Variants in MMP7 observed in about 807,000 individuals in gnomAD.
MMP7 encodes matrilysin.
In MMP7, 26 loss-of-function variants were observed where a neutral mutation model predicts 31.5. The observed-to-expected ratio is 0.83, with a 90% CI of 0.61 to 1.15. MMP7 has a LOEUF of 1.15. MMP7 is among the 50% of genes most tolerant of loss of function. The probability of loss-of-function intolerance (pLI) is 0.00; values close to 1 mark genes in which losing one functional copy is unlikely to be tolerated. For synonymous variants in MMP7, 142 were observed against 124.2 expected (o/e 1.14, Z -0.95); for missense variants, 367 against 326.5 (o/e 1.12, Z -0.96).
chr11:102,525,207 G>T, intron 3 of MMP7, 143 bp from the exon 4 acceptor site: 1 of 956,796 alleles, frequency 1.0e-6, no homozygotes, highest in Non-Finnish European at 1.5e-6. Flanking sequence ...CGAGGCCGAG[G>T]TGGGCGGATC....
chr11:102,530,142 A>T (rs1858719600), intron 1 of MMP7, among the ~76,000 whole-genome samples: 1 of 152,270 alleles, frequency 6.6e-6, no homozygotes, highest in African/African-American at 2.4e-5. Context: ...GTAAATACAC[A>T]AACAGTATAT....
chr11:102,522,727 C>G (rs1858626628), intron 5 of MMP7, among the ~76,000 whole-genome samples: 1 of 152,182 alleles, frequency 6.6e-6, no homozygotes, highest in Non-Finnish European at 1.5e-5. Context: ...ACCAAAAAAG[C>G]ATAGACTGGG....
Position 102,526,240 on chromosome 11 carries a change from A to ATATTT in MMP7, c.485-1177_485-1176insAAATA, listed in dbSNP as rs1437244210. On this transcript the variant is annotated intron_variant, in intron 3 of 5. Transcript: ENST00000260227. ...AAAAAAAAAAAATATATATATATAT[A>ATATTT]TTTTTTTTTTTTCTTTTGAGACATA... Among the ~76,000 whole-genome samples the ATATTT allele has an allele frequency of 2.6e-3, 340 of 131,452 alleles. 3 individuals carry two copies. The highest frequency in any genetic ancestry group is 9.4e-3 in the African/African-American group (326 of 34,666). 86.2% of individuals were successfully genotyped at this position (131,452 alleles called of 152,430 possible).
In MMP7 at chr11:102,527,543, CATG is replaced by C. The variant is rs755282676; in HGVS notation, c.462_464del (p.Ile154del). 335 of 1,614,146 alleles carry C rather than the reference CATG, an allele frequency of 2.1e-4. No homozygotes were observed. In the Middle Eastern group the frequency reaches 5.6e-3, roughly 27 times the overall value. ...TCTTACCTCCTCGCGCAAAGCCAATCATGATGTCAGCAGTTCCCCATACAACTT... is the reference window on the plus strand; with the variant it reads ...TCTTACCTCCTCGCGCAAAGCCAATCATGTCAGCAGTTCCCCATACAACTT... On this transcript the variant is annotated inframe_deletion, in exon 3 of 6. Coordinates refer to ENST00000260227, the MANE Select transcript of MMP7 (RefSeq NM_002423.5).
chr11:102,523,525 G>T, intron 4 of MMP7, 124 bp from the exon 5 acceptor site: 1 of 767,410 alleles, frequency 1.3e-6, no homozygotes, highest in Non-Finnish European at 1.8e-6. Context: ...GCCCACGGTA[G>T]CTTACTTATT....
chr11:102,522,868 A>G (rs1858628270), intron 5 of MMP7, among the ~76,000 whole-genome samples: 1 of 152,234 alleles, frequency 6.6e-6, no homozygotes, highest in South Asian at 2.1e-4. Flanking sequence ...TTGAATCCTT[A>G]GGAGTGGGCA....
rs762318650 is a variant in MMP7, at chr11:102,526,240, ATTTT to A, written c.485-1180_485-1177del. 2.9e-3 allele frequency among the ~76,000 whole-genome samples: 376 copies of A among 131,466 alleles called. 1 individual carries two copies. The highest frequency in any genetic ancestry group is 4.4e-3 in the Non-Finnish European group (273 of 62,236). 86.2% of individuals were successfully genotyped at this position (131,466 alleles called of 152,430 possible). Reference sequence around the variant, plus strand: ...AAAAAAAAAAAATATATATATATATATTTTTTTTTTTTCTTTTGAGACATAGTCT... The same window carrying A: ...AAAAAAAAAAAATATATATATATATATTTTTTTTCTTTTGAGACATAGTCT... On this transcript the variant is annotated intron_variant, in intron 3 of 5. Coordinates refer to ENST00000260227, the MANE Select transcript of MMP7 (RefSeq NM_002423.5).
At chr11:102,525,399 G>T (rs1234548843) in intron 3 of MMP7, among the ~76,000 whole-genome samples, 1 of 150,952 alleles carries the variant, frequency 6.6e-6, no homozygotes, top group Non-Finnish European at 1.5e-5. Flanking sequence ...CTGAGATCGC[G>T]CCACTGCACT....
chr11:102,525,146 T>C, intron 3 of MMP7, 82 bp from the exon 4 acceptor site: 1 of 1,506,274 alleles, frequency 6.6e-7, no homozygotes, highest in Non-Finnish European at 8.9e-7. Flanking sequence ...ATACGATTAT[T>C]GAGGCTAGAA....
chr11:102,523,346 T>C lies in MMP7; in HGVS notation c.669A>G (p.Gly223=), dbSNP rs753131286. The C allele has an allele frequency of 1.4e-5, 23 of 1,612,176 alleles. No individual in the cohort carries two copies. The highest frequency in any genetic ancestry group is 1.9e-5 in the Non-Finnish European group (22 of 1,178,998). Residue 223 remains glycine (G), a synonymous_variant, in exon 5 of 6, where the codon GGA becomes GGG. Coordinates refer to ENST00000260227, the MANE Select transcript of MMP7 (RefSeq NM_002423.5). ...TCACTGCATTAGGATCAGAGGAATG[T>C]CCCATACCCAAAGAATGGCCAAGTT... ...THELGHSLGM[G]HSSDPNAVMY...
chr11:102,523,223 G>A lies in MMP7; in HGVS notation c.775+17C>T. The A allele has an allele frequency of 6.4e-7, 1 of 1,552,926 alleles. No homozygotes were observed. Among genetic ancestry groups the A allele is most frequent in the South Asian group, 1.2e-5 (1 of 82,858 alleles). On this transcript the variant is annotated intron_variant, in intron 5 of 5. Coordinates refer to ENST00000260227, the MANE Select transcript of MMP7 (RefSeq NM_002423.5). ...AAGAAAATGGGAAATCCTCTTATTT[G>A]AAATAATAAATATTACCATATAGTT...
intron 3 of MMP7, among the ~76,000 whole-genome samples, chr11:102,525,482 A>G (rs1858659887): frequency 6.6e-6 from 1 of 150,990 alleles, no homozygotes; most frequent in Admixed American, 6.6e-5. Flanking sequence ...AGCCCAGTGC[A>G]AGTAGCTGAC....
chr11:102,530,019 A>G (rs370614580), intron 1 of MMP7, among the ~76,000 whole-genome samples: 8 of 152,340 alleles, frequency 5.3e-5, no homozygotes, highest in African/African-American at 1.9e-4. Context: ...TACTGGACAC[A>G]TGAGAAAACA....
chr11:102,528,111 A>G, intron 1 of MMP7, 128 bp from the exon 2 acceptor site: 1 of 706,824 alleles, frequency 1.4e-6, no homozygotes, highest in Non-Finnish European at 2.3e-6. Flanking sequence ...ATAATTACAT[A>G]GTCACAGAGA....
In MMP7 at chr11:102,523,242, T is replaced by C. The variant is rs781501029; in HGVS notation, c.773A>G (p.Tyr258Cys). The C allele has an allele frequency of 1.9e-6, 3 of 1,595,334 alleles. No individual in the cohort carries two copies. In the African/African-American group the frequency reaches 4.0e-5, roughly 21 times the overall value. ...TTATTTGAAATAATAAATATTACCA[T>C]ATAGTTTCTGAATGCCTTTAATATC... ...QDDIKGIQKL[Y>C]GKRSNSRKK The change falls in exon 5 of 6, where the codon TAT (tyrosine) becomes TGT (cysteine). Residue 258 changes from tyrosine to cysteine, a missense_variant and splice_region_variant. Tyr to Cys is a radical substitution (Grantham distance 194, BLOSUM62 -2). Transcript: ENST00000260227.
chr11:102,521,123 C>A (rs761990712), intron 5 of MMP7, among the ~76,000 whole-genome samples: 1 of 152,176 alleles, frequency 6.6e-6, no homozygotes, highest in Non-Finnish European at 1.5e-5. Context: ...AATAATGTCT[C>A]ATTGAATTCT....
At chr11:102,527,733 A>C (rs745617690) in intron 2 of MMP7, 24 bp downstream of exon 2, 2 of 1,613,668 alleles carry the variant, frequency 1.2e-6, no homozygotes, top group Non-Finnish European at 1.7e-6. Flanking sequence ...TGTTTTTGCC[A>C]AAATGAGCCA....
At chr11:102,520,860 C>T (rs559819906) in intron 5 of MMP7, 56 bp from the exon 6 acceptor site, 3 of 1,181,952 alleles carry the variant, frequency 2.5e-6, no homozygotes, top group African/African-American at 1.5e-5. Flanking sequence ...TAAAAACCAT[C>T]CTAAGATTAT....
chr11:102,530,039 G>A lies in MMP7; in HGVS notation c.108+554C>T, dbSNP rs376231753. On this transcript the variant is annotated intron_variant, in intron 1 of 5. Coordinates refer to ENST00000260227, the MANE Select transcript of MMP7 (RefSeq NM_002423.5). ...GACACATGAGAAAACAAAGTCAGAT[G>A]TTAATGCCTTGTCTATTGTCATTGA... is the stretch of plus-strand genomic sequence containing the variant. Among the ~76,000 whole-genome samples, 5 of 152,294 alleles carry A rather than the reference G, an allele frequency of 3.3e-5. No individual in the cohort carries two copies. In the East Asian group the frequency reaches 9.6e-4, roughly 29 times the overall value.
Sources: allele counts gnomAD v4.1 joint callset (sites outside exome capture counted in the v4.1 genomes callset), GRCh38; gene constraint gnomAD v4.1.1; transcripts MANE v1.5; gene names NCBI Gene and HGNC (gene_info 2026-07-23, HGNC 2026-07-21).